Variants in MSH3 observed in about 807,000 individuals in gnomAD.
The protein encoded by MSH3 is DNA mismatch repair protein Msh3.
Under a neutral mutation model 123.3 loss-of-function variants are expected in MSH3, and 106 were observed. The observed-to-expected ratio is 0.86, with a 90% CI of 0.73 to 1.01. MSH3 has a LOEUF of 1.01. Among genes scored for constraint, MSH3 ranks in the 50% least tolerant of loss-of-function variants. MSH3 has a pLI of 0.00. For synonymous variants in MSH3, 515 were observed against 481.4 expected (o/e 1.07, Z -0.91); for missense variants, 1,459 against 1,347.6 (o/e 1.08, Z -1.29).
At chr5:80,843,834 G>T (rs944284393) in intron 20 of MSH3, among the ~76,000 whole-genome samples, 1 of 151,838 alleles carries the variant, frequency 6.6e-6, no homozygotes, top group Non-Finnish European at 1.5e-5. Context: ...TATCAATTTT[G>T]TTGATCTTTT....
intron 20 of MSH3, among the ~76,000 whole-genome samples, chr5:80,821,084 A>G (rs890886650): frequency 6.6e-6 from 1 of 152,224 alleles, no homozygotes; most frequent in Non-Finnish European, 1.5e-5. Context: ...TAAATAATGC[A>G]TATAAAACAA....
At chr5:80,792,699 G>T in intron 18 of MSH3, 34 bp from the exon 19 acceptor site, 1 of 1,293,558 alleles carries the variant, frequency 7.7e-7, no homozygotes, top group Non-Finnish European at 1.1e-6. Flanking sequence ...CTATTTCCAT[G>T]CCTAGTAAAT....
At chr5:80,676,040 A>C (rs979441396) in intron 7 of MSH3, among the ~76,000 whole-genome samples, 2 of 152,090 alleles carry the variant, frequency 1.3e-5, no homozygotes, top group African/African-American at 4.8e-5. Flanking sequence ...TTATTTATTT[A>C]TTTCTTTGAG....
chr5:80,762,352 A>C (rs1744049235), intron 13 of MSH3, among the ~76,000 whole-genome samples: 1 of 152,066 alleles, frequency 6.6e-6, no homozygotes, highest in African/African-American at 2.4e-5. Flanking sequence ...TTCCTTATCA[A>C]AACTTTATGA....
intron 2 of MSH3, among the ~76,000 whole-genome samples, chr5:80,664,205 G>C (rs1249931992): frequency 6.6e-6 from 1 of 152,178 alleles, no homozygotes; most frequent in Non-Finnish European, 1.5e-5. Context: ...TTAGCAGAAG[G>C]TTTTATGGGA....
intron 20 of MSH3, among the ~76,000 whole-genome samples, chr5:80,849,429 C>T (rs1745790121): frequency 6.6e-6 from 1 of 152,204 alleles, no homozygotes; most frequent in Non-Finnish European, 1.5e-5. Context: ...TCTGTACTGC[C>T]CTAGCAGAGG....
intron 10 of MSH3, among the ~76,000 whole-genome samples, chr5:80,733,626 T>C (rs999569417): frequency 6.6e-6 from 1 of 151,688 alleles, no homozygotes; most frequent in African/African-American, 2.4e-5. Context: ...CTCTTACAAG[T>C]CAATGGTAAA....
intron 8 of MSH3, among the ~76,000 whole-genome samples, chr5:80,708,447 A>G (rs990769037): frequency 6.6e-6 from 1 of 150,998 alleles, no homozygotes; most frequent in African/African-American, 2.4e-5. Flanking sequence ...CTTTGTTTTT[A>G]ATTAATATTT....
intron 20 of MSH3, among the ~76,000 whole-genome samples, chr5:80,814,862 G>T (rs6151883): frequency 1.9e-4 from 29 of 152,226 alleles, no homozygotes; most frequent in Admixed American, 1.6e-3. Context: ...GCCGTGTTAG[G>T]AATATGAGTG....
intron 8 of MSH3, among the ~76,000 whole-genome samples, chr5:80,711,693 T>G (rs1009678251): frequency 6.6e-6 from 1 of 152,108 alleles, no homozygotes; most frequent in African/African-American, 2.4e-5. Context: ...CTCATTCTGT[T>G]GCCCAGGCTG....
intron 19 of MSH3, among the ~76,000 whole-genome samples, chr5:80,812,662 A>C (rs1296049497): frequency 1.4e-5 from 2 of 147,034 alleles, no homozygotes; most frequent in Admixed American, 7.0e-5. Context: ...GCTCACTGCA[A>C]CCTCCACCTG....
intron 8 of MSH3, among the ~76,000 whole-genome samples, chr5:80,709,626 C>T (rs547057904): frequency 4.0e-5 from 6 of 151,734 alleles, no homozygotes; most frequent in East Asian, 1.9e-4. Context: ...AGTGAAACTC[C>T]GTCTCAAAAA....
chr5:80,688,202 C>T (rs1391992822), intron 8 of MSH3, among the ~76,000 whole-genome samples: 2 of 152,136 alleles, frequency 1.3e-5, no homozygotes, highest in African/African-American at 2.4e-5. Flanking sequence ...AGCTATCTGA[C>T]CTTTGAAATA....
chr5:80,683,199 T>G lies in MSH3; in HGVS notation c.1340+4106T>G, dbSNP rs557703240. Among the ~76,000 whole-genome samples, 3 of 152,336 alleles carry G rather than the reference T, an allele frequency of 2.0e-5. No individual in the cohort carries two copies. In the East Asian group the frequency reaches 5.8e-4, roughly 29 times the overall value. On this transcript the variant is annotated intron_variant, in intron 8 of 23. Coordinates refer to ENST00000265081, the MANE Select transcript of MSH3 (RefSeq NM_002439.5). Reference sequence around the variant, plus strand: ...CACATATCTCTTCTATATACTGATTTCCCTTCTTTTGAGTATATATCTAGC... The same window carrying G: ...CACATATCTCTTCTATATACTGATTGCCCTTCTTTTGAGTATATATCTAGC...
chr5:80,747,716 TATGTTTAGAA>T, intron 12 of MSH3, among the ~76,000 whole-genome samples: 1 of 152,284 alleles, frequency 6.6e-6, no homozygotes, highest in African/African-American at 2.4e-5. Flanking sequence ...AGGTGTTTTC[TATGTTTAGAA>T]ATGTTTAGAC....
intron 20 of MSH3, among the ~76,000 whole-genome samples, chr5:80,849,572 C>T (rs1745793483): frequency 6.6e-6 from 1 of 152,188 alleles, no homozygotes; most frequent in African/African-American, 2.4e-5. Context: ...CTCAATACCA[C>T]ATGGAAGCTG....
chr5:80,725,429 T>C, intron 8 of MSH3, 24 bp from the exon 9 acceptor site: 1 of 1,545,670 alleles, frequency 6.5e-7, no homozygotes, highest in Non-Finnish European at 8.9e-7. Flanking sequence ...AAGTTATCTT[T>C]GAAATTTTCC....
At chr5:80,708,133 G>A (rs923288354) in intron 8 of MSH3, among the ~76,000 whole-genome samples, 2 of 152,152 alleles carry the variant, frequency 1.3e-5, no homozygotes, top group African/African-American at 4.8e-5. Flanking sequence ...ACAACAGAAG[G>A]TTTTAATTTG....
At chr5:80,858,941 T>A (rs1745965121) in intron 21 of MSH3, among the ~76,000 whole-genome samples, 2 of 152,212 alleles carry the variant, frequency 1.3e-5, no homozygotes, top group African/African-American at 2.4e-5. Flanking sequence ...TAAGACATAA[T>A]ATCCTTTATC....
Sources: gnomAD v4.1 joint callset for allele counts (sites outside exome capture counted in the v4.1 genomes callset) on GRCh38, gnomAD v4.1.1 for gene constraint, MANE v1.5 for transcripts, NCBI Gene and HGNC (gene_info 2026-07-23, HGNC 2026-07-21) for gene names.